Variants in SSPN observed in about 807,000 individuals in gnomAD.
SSPN encodes K-ras oncogene-associated protein.
A neutral mutation model predicts 19.1 loss-of-function variants in SSPN; 15 were observed. That is an observed-to-expected ratio of 0.78 (90% CI 0.52 to 1.21). The LOEUF (loss-of-function observed/expected upper bound fraction) is 1.21, where lower values mean the gene tolerates loss of function less well. SSPN is among the 50% of genes most tolerant of loss of function. The pLI, the probability that SSPN is intolerant of heterozygous loss-of-function variation, is 0.00. For missense variants in SSPN, 291 were observed against 314.0 expected (o/e 0.93, Z 0.55); for synonymous variants, 147 against 140.3 (o/e 1.05, Z -0.34).
At chr12:26,204,636 C>A (rs1018160063) in intron 1 of SSPN, among the ~76,000 whole-genome samples, 3 of 152,156 alleles carry the variant, frequency 2.0e-5, no homozygotes, top group East Asian at 1.9e-4. Flanking sequence ...CCCCACCCGC[C>A]CTTTGAGCCT....
chr12:26,125,124 G>A, intron 1 of SSPN: 4 of 420,954 alleles, frequency 9.5e-6, no homozygotes, highest in Middle Eastern at 6.9e-4. Flanking sequence ...GAGGGGGGCG[G>A]GGGAGGAGGG....
chr12:26,145,685 C>T (rs946292195), intron 1 of SSPN, among the ~76,000 whole-genome samples: 6 of 152,132 alleles, frequency 3.9e-5, no homozygotes, highest in African/African-American at 9.7e-5. Context: ...CATGCAGTTC[C>T]GCTTATGAGG....
At position 26,216,352 on chromosome 12, in the gene SSPN, T is replaced by G. The variant is rs1007421434; in HGVS notation, c.280-7941T>G. On this transcript the variant is annotated intron_variant, in intron 1 of 2. Coordinates refer to ENST00000242729, the MANE Select transcript of SSPN (RefSeq NM_005086.5). ...ATGATGAGCATTTTTTCATGTGTTT[T>G]TTGGCTGCATAAATGTCTTCTTTTG... Among the ~76,000 whole-genome samples the G allele has an allele frequency of 3.3e-5, 5 of 152,196 alleles. No homozygotes were observed. The South Asian group carries it at 8.3e-4, about 25-fold the overall frequency.
intron 1 of SSPN, among the ~76,000 whole-genome samples, chr12:26,133,005 T>G (rs11829854): frequency 0.14 from 21,287 of 152,184 alleles, 3,417 homozygotes; most frequent in African/African-American, 0.39. Context: ...GCTAATTTCC[T>G]TTGTTCCAGA....
In SSPN at chr12:26,233,005, A is replaced by C. The variant is rs1363897168; in HGVS notation, c.*1929A>C. On this transcript the variant is annotated 3_prime_UTR_variant, in exon 3 of 3. Transcript: ENST00000242729. This position sits in a 1 kb window ranked among gnomAD's most constrained non-coding sequence, Gnocchi z 4.3. ...TTTTGGTTGAGTTTCCTACACAAAG[A>C]AGAAAATAACTGAGAATCTGGAATG... The C allele has an allele frequency of 6.6e-6, 1 of 151,920 alleles. No individual in the cohort carries two copies. The highest frequency in any genetic ancestry group is 1.5e-5 in the Non-Finnish European group (1 of 68,064). The allele number at this position is 151,920 out of a possible 1,614,324, so 9.4% of individuals were successfully genotyped here.
At chr12:26,128,931 T>C (rs1944381892) in intron 1 of SSPN, among the ~76,000 whole-genome samples, 1 of 152,206 alleles carries the variant, frequency 6.6e-6, no homozygotes, top group Non-Finnish European at 1.5e-5. Context: ...CCTGCACTCA[T>C]TATATTCACC....
chr12:26,156,811 G>GA (rs1430190900), intron 1 of SSPN, among the ~76,000 whole-genome samples: 1 of 152,192 alleles, frequency 6.6e-6, no homozygotes, highest in Non-Finnish European at 1.5e-5. Flanking sequence ...AGCTGGACGT[G>GA]AAAAACAACC....
intron 1 of SSPN, among the ~76,000 whole-genome samples, chr12:26,201,497 C>T (rs1461548540): frequency 6.6e-6 from 1 of 151,242 alleles, no homozygotes; most frequent in Non-Finnish European, 1.5e-5. Flanking sequence ...TCAGAATCAG[C>T]AGGAGAAATG....
intron 1 of SSPN, among the ~76,000 whole-genome samples, chr12:26,197,789 G>C (rs967075511): frequency 2.6e-5 from 4 of 152,152 alleles, no homozygotes; most frequent in African/African-American, 9.7e-5. Flanking sequence ...TATCATCTAG[G>C]ATTCATTTGA....
chr12:26,163,787 TTA>T (rs1432060034), intron 1 of SSPN, among the ~76,000 whole-genome samples: 6 of 152,338 alleles, frequency 3.9e-5, no homozygotes, highest in Non-Finnish European at 8.8e-5. Flanking sequence ...AACCATGGGT[TTA>T]TAATTCTTTA....
At chr12:26,130,895 G>A (rs1313334195) in intron 1 of SSPN, among the ~76,000 whole-genome samples, 2 of 128,832 alleles carry the variant, frequency 1.6e-5, no homozygotes, top group Non-Finnish European at 1.5e-5. Flanking sequence ...GTCTCTTAAG[G>A]AGCTTTTTTT....
chr12:26,168,985 G>A (rs1294852012), intron 1 of SSPN, among the ~76,000 whole-genome samples: 3 of 150,464 alleles, frequency 2.0e-5, no homozygotes, highest in Non-Finnish European at 4.4e-5. Flanking sequence ...CATAATGGTA[G>A]TGATTTTTTT....
At chr12:26,149,074 C>G (rs765020849) in intron 1 of SSPN, among the ~76,000 whole-genome samples, 9 of 152,140 alleles carry the variant, frequency 5.9e-5, no homozygotes, top group Admixed American at 1.3e-4. Flanking sequence ...GAACATTTAT[C>G]TTATGTGGAG....
intron 1 of SSPN, among the ~76,000 whole-genome samples, chr12:26,200,183 G>A (rs1008388713): frequency 1.3e-5 from 2 of 152,192 alleles, no homozygotes; most frequent in African/African-American, 4.8e-5. Flanking sequence ...ACTCAGTGGA[G>A]TAAAAACCCT....
rs532913750 is a variant in SSPN at position 26,178,468 on chromosome 12, TG to T, written c.-30-45824del. ...CAGAATAAGGTAAATTAAGAAGGGTTGTAGATGACTGGTTGTATAATAGCTG... is the reference window on the plus strand; with the variant it reads ...CAGAATAAGGTAAATTAAGAAGGGTTTAGATGACTGGTTGTATAATAGCTG... On this transcript the variant is annotated intron_variant, in intron 1 of 2. Transcript: ENST00000538142. Among the ~76,000 whole-genome samples, 22 of 152,226 alleles carry T rather than the reference TG, an allele frequency of 1.4e-4. No homozygotes were observed. The South Asian group carries it at 4.6e-3, about 32-fold the overall frequency.
chr12:26,219,794 C>G (rs760548960), intron 1 of SSPN, among the ~76,000 whole-genome samples: 1 of 152,224 alleles, frequency 6.6e-6, no homozygotes, highest in Non-Finnish European at 1.5e-5. Context: ...CCTCTCAGCA[C>G]TAGCCTTCCC....
chr12:26,122,965 C>T lies in SSPN; in HGVS notation c.-31+813C>T, dbSNP rs199919168. On this transcript the variant is annotated intron_variant, in intron 1 of 2. Transcript: ENST00000538142. ...GCGCCGGTGCCTTTGCTCAGAGGGA[C>T]CTGTTGAGTCAACAGCTGCGGGGTG... 1.2e-3 allele frequency: 1,949 copies of T among 1,561,184 alleles called. 2 individuals are homozygous for T. The highest frequency in any genetic ancestry group is 1.6e-3 in the Non-Finnish European group (1,805 of 1,152,236).
At chr12:26,195,350 G>T, upstream of SSPN, 1 of 293,394 alleles carries the variant, frequency 3.4e-6, no homozygotes, top group East Asian at 5.8e-5. Flanking sequence ...GCACACGCGC[G>T]CACTCGCAGC....
chr12:26,161,636 G>T (rs1013090981), intron 1 of SSPN, among the ~76,000 whole-genome samples: 6 of 152,066 alleles, frequency 3.9e-5, no homozygotes, highest in African/African-American at 9.7e-5. Context: ...CAAGGTCAGG[G>T]TCTCTCTTTT....
Sources: allele counts gnomAD v4.1 joint callset (sites outside exome capture counted in the v4.1 genomes callset), GRCh38; gene constraint gnomAD v4.1.1; non-coding constraint Gnocchi (gnomAD v3.1); transcripts MANE v1.5; gene names NCBI Gene and HGNC (gene_info 2026-07-23, HGNC 2026-07-21).